Variants in FHIT observed in about 807,000 individuals in gnomAD.
FHIT encodes the protein bis(5'-adenosyl)-triphosphatase.
A neutral mutation model predicts 17.9 loss-of-function variants in FHIT; 19 were observed. The observed-to-expected ratio is 1.06, with a 90% CI of 0.74 to 1.56. FHIT has a LOEUF of 1.56. Ranked by LOEUF, FHIT falls within the 40% of genes most tolerant of loss-of-function variation. The pLI is 0.00. For synonymous variants in FHIT, 81 were observed against 69.7 expected (o/e 1.16, Z -0.81); for missense variants, 248 against 189.2 (o/e 1.31, Z -1.82).
intron 5 of FHIT, among the ~76,000 whole-genome samples, chr3:60,385,129 G>C (rs1436789207): frequency 6.6e-6 from 1 of 152,078 alleles, no homozygotes; most frequent in Non-Finnish European, 1.5e-5. Context: ...TCCCATTCCT[G>C]GTGTCCCACT....
chr3:60,560,848 G>C (rs1254470961), intron 4 of FHIT, among the ~76,000 whole-genome samples: 1 of 143,086 alleles, frequency 7.0e-6, no homozygotes, highest in African/African-American at 2.6e-5. Flanking sequence ...CACACACAGA[G>C]AGAGAGAGAG....
chr3:59,866,621 G>C (rs563799891), intron 8 of FHIT, among the ~76,000 whole-genome samples: 1 of 152,210 alleles, frequency 6.6e-6, no homozygotes, highest in African/African-American at 2.4e-5. Flanking sequence ...AAATTATCTG[G>C]ATCTGGGATA....
chr3:61,073,222 T>G (rs1575963417), intron 2 of FHIT, among the ~76,000 whole-genome samples: 1 of 152,318 alleles, frequency 6.6e-6, no homozygotes, highest in East Asian at 1.9e-4. Context: ...TGTATGCTGT[T>G]AGATCAAAAG....
chr3:60,511,155 C>A (rs928427645), intron 5 of FHIT, among the ~76,000 whole-genome samples: 4 of 152,094 alleles, frequency 2.6e-5, no homozygotes, highest in Non-Finnish European at 4.4e-5. Context: ...TAAGGTTATC[C>A]ATCAGTGAAA....
rs1177943912 is a variant in FHIT, at chr3:59,986,582, C to T, written c.279+24789G>A. Among the ~76,000 whole-genome samples the T allele has an allele frequency of 1.2e-4, 7 of 59,240 alleles. 1 individual carries two copies. The highest frequency in any genetic ancestry group is 8.5e-4 in the South Asian group (2 of 2,358). 38.9% of individuals were successfully genotyped at this position (59,240 alleles called of 152,430 possible). On this transcript the variant is annotated intron_variant, in intron 7 of 9. Coordinates refer to ENST00000492590, the MANE Select transcript of FHIT (RefSeq NM_002012.4). The stretch of plus-strand genomic sequence containing the variant: ...ACACACACACACATATATACACACA[C>T]ACACACACACACACATATATATGTG...
intron 7 of FHIT, among the ~76,000 whole-genome samples, chr3:59,999,660 A>G (rs917865514): frequency 6.6e-6 from 1 of 152,092 alleles, no homozygotes; most frequent in Non-Finnish European, 1.5e-5. Context: ...GCTGGAGTGC[A>G]GTGGTGCAAT....
At chr3:60,438,633 C>A (rs945242888) in intron 5 of FHIT, among the ~76,000 whole-genome samples, 1 of 152,150 alleles carries the variant, frequency 6.6e-6, no homozygotes, top group Non-Finnish European at 1.5e-5. Context: ...TCAAAAATTA[C>A]ACACTGTTAA....
chr3:60,338,327 T>G (rs767871161), intron 5 of FHIT, among the ~76,000 whole-genome samples: 3 of 152,188 alleles, frequency 2.0e-5, no homozygotes, highest in Non-Finnish European at 4.4e-5. Flanking sequence ...AAAAACTCTA[T>G]TCCTGTAAAT....
chr3:60,493,757 A>T (rs1359531999), intron 5 of FHIT, among the ~76,000 whole-genome samples: 1 of 152,190 alleles, frequency 6.6e-6, no homozygotes, highest in Non-Finnish European at 1.5e-5. Context: ...GAGAGATACG[A>T]CTGTGTCTAA....
chr3:60,950,778 C>G (rs146178666), intron 3 of FHIT, among the ~76,000 whole-genome samples: 399 of 152,198 alleles, frequency 2.6e-3, no homozygotes, highest in African/African-American at 9.3e-3. Context: ...CCGCCTCGGC[C>G]TTCCAAAGTG....
At chr3:60,285,490 G>A (rs1183120772) in intron 5 of FHIT, among the ~76,000 whole-genome samples, 1 of 152,096 alleles carries the variant, frequency 6.6e-6, no homozygotes, top group East Asian at 1.9e-4. Flanking sequence ...TCTTCATAAA[G>A]CCTGTGATGG....
intron 4 of FHIT, among the ~76,000 whole-genome samples, chr3:60,564,311 G>A (rs1017991025): frequency 6.6e-6 from 1 of 152,094 alleles, no homozygotes; most frequent in African/African-American, 2.4e-5. Context: ...TGATGTACCT[G>A]GTCACCCAAG....
At chr3:60,039,820 T>C (rs1701364172) in intron 5 of FHIT, among the ~76,000 whole-genome samples, 2 of 152,178 alleles carry the variant, frequency 1.3e-5, no homozygotes. Context: ...ATGCTGTCAT[T>C]TCTGAGCCAT....
chr3:59,979,902 G>A (rs2736796), intron 7 of FHIT, among the ~76,000 whole-genome samples: 24,137 of 152,116 alleles, frequency 0.16, 2,133 homozygotes, highest in East Asian at 0.37. Context: ...AAATCTGGGA[G>A]ATGAAACAGT....
intron 5 of FHIT, among the ~76,000 whole-genome samples, chr3:60,346,288 A>G (rs1164597554): frequency 6.6e-6 from 1 of 152,234 alleles, no homozygotes. Context: ...TAGTGGAAAA[A>G]TAACAACATG....
intron 5 of FHIT, among the ~76,000 whole-genome samples, chr3:60,088,462 T>A (rs1212058268): frequency 1.3e-5 from 2 of 152,198 alleles, no homozygotes; most frequent in Non-Finnish European, 2.9e-5. Flanking sequence ...TGTACCTTCA[T>A]GCATAAAGTG....
intron 4 of FHIT, among the ~76,000 whole-genome samples, chr3:60,584,675 C>T (rs1217149531): frequency 6.6e-6 from 1 of 151,990 alleles, no homozygotes; most frequent in Non-Finnish European, 1.5e-5. Flanking sequence ...GTTCATCTAA[C>T]ATGGACAAAA....
chr3:59,986,706 ATAAATATATACATATATT>A lies in FHIT; in HGVS notation c.279+24647_279+24664del, dbSNP rs1357944304. Among the ~76,000 whole-genome samples the A allele has an allele frequency of 6.3e-3, 305 of 48,536 alleles. 96 individuals carry two copies. The highest frequency in any genetic ancestry group is 0.017 in the Admixed American group (41 of 2,432). 31.8% of individuals were successfully genotyped at this position (48,536 alleles called of 152,430 possible). A position where few individuals can be genotyped will look rare whatever the true frequency, so the allele number is the denominator to read the frequency against. On this transcript the variant is annotated intron_variant, in intron 7 of 9. Coordinates refer to ENST00000492590, the MANE Select transcript of FHIT (RefSeq NM_002012.4). The stretch of plus-strand genomic sequence containing the variant: ...CATATTTAGTTTTATATATATTTAT[ATAAATATATACATATATT>A]TATATAAATATATACATATATTTAT...
chr3:61,073,308 T>C (rs1293991226), intron 2 of FHIT, among the ~76,000 whole-genome samples: 1 of 152,210 alleles, frequency 6.6e-6, no homozygotes, highest in Non-Finnish European at 1.5e-5. Context: ...GACAGGCTTC[T>C]TGGCCTATAG....
Sources: gnomAD v4.1 joint callset for allele counts (sites outside exome capture counted in the v4.1 genomes callset) on GRCh38, gnomAD v4.1.1 for gene constraint, MANE v1.5 for transcripts, NCBI Gene and HGNC (gene_info 2026-07-23, HGNC 2026-07-21) for gene names.